The following BCL11A variants were observed in gnomAD, a reference collection of about 807,000 sequenced individuals.
BCL11A encodes BCL11 transcription factor A.
A neutral mutation model predicts 55.9 loss-of-function variants in BCL11A; 2 were observed. The observed-to-expected ratio is 0.04, with a 90% CI of 0.01 to 0.11. BCL11A has a LOEUF of 0.11. Ranked by LOEUF, BCL11A falls within the 10% of genes least tolerant of loss-of-function variation. The pLI, the probability that BCL11A is intolerant of heterozygous loss-of-function variation, is 1.00. For missense variants in BCL11A, 817 were observed against 1,137.1 expected, an observed-to-expected ratio of 0.72 and a Z score of 4.05; for synonymous variants, 465 against 473.4, an observed-to-expected ratio of 0.98 and a Z score of 0.23.
chr2:60,505,704 G>C (rs372643095), intron 2 of BCL11A, among the ~76,000 whole-genome samples: 4 of 152,210 alleles, frequency 2.6e-5, no homozygotes, highest in South Asian at 2.1e-4. Flanking sequence ...CCACCTCCCG[G>C]AAGCAGGGGA....
intron 2 of BCL11A, chr2:60,535,582 C>G (rs1256611541): frequency 8.5e-5 from 13 of 152,236 alleles, no homozygotes; most frequent in Admixed American, 7.8e-4. Flanking sequence ...GTGTAAACAT[C>G]CACTGTGGTA....
At chr2:60,514,258 A>G (rs1348700749) in intron 2 of BCL11A, among the ~76,000 whole-genome samples, 2 of 152,192 alleles carry the variant, frequency 1.3e-5, no homozygotes, top group East Asian at 1.9e-4. Flanking sequence ...CTAGAAGGCT[A>G]AGGAACACCC....
chr2:60,452,695 G>C (rs749199891), downstream of BCL11A: 4 of 1,550,494 alleles, frequency 2.6e-6, no homozygotes, highest in Non-Finnish European at 3.5e-6. Context: ...CAGAGGAGGG[G>C]GAAAAAAAAA....
Position 60,458,123 on chromosome 2 carries a change from T to C in BCL11A, c.*2281A>G, listed in dbSNP as rs991784774. The C allele has an allele frequency of 9.7e-6, 10 of 1,029,746 alleles. No individual in the cohort carries two copies. The African/African-American group carries it at 1.4e-4, about 14-fold the overall frequency. 63.8% of individuals were successfully genotyped at this position (1,029,746 alleles called of 1,614,324 possible). ...AATACAAGCTTCAATATAAATACTA[T>C]AGTGCCTAACACTAGATGAACATTT... On this transcript the variant is annotated 3_prime_UTR_variant, in exon 4 of 4. Coordinates refer to ENST00000642384, the MANE Select transcript of BCL11A (RefSeq NM_022893.4).
chr2:60,458,909 A>G lies in BCL11A; in HGVS notation c.*1495T>C. The G allele has an allele frequency of 9.7e-7, 1 of 1,034,038 alleles. No homozygotes were observed. Among genetic ancestry groups the G allele is most frequent in the Non-Finnish European group, 1.2e-6 (1 of 858,840 alleles). The allele number at this position is 1,034,038 out of a possible 1,614,324, so 64.1% of individuals were successfully genotyped here. On this transcript the variant is annotated 3_prime_UTR_variant, in exon 4 of 4. Coordinates refer to ENST00000642384, the MANE Select transcript of BCL11A (RefSeq NM_022893.4). The stretch of plus-strand genomic sequence containing the variant: ...AAACAATGAATCCTCTTCCATGTTA[A>G]CACAAATAGCACACAGTGTATGGAA...
At chr2:60,484,689 G>A (rs1470385229) in intron 2 of BCL11A, among the ~76,000 whole-genome samples, 1 of 151,044 alleles carries the variant, frequency 6.6e-6, no homozygotes, top group Non-Finnish European at 1.5e-5. Context: ...ATTTGGAGGG[G>A]GGCAAAAAAA....
chr2:60,458,986 T>C lies in BCL11A; in HGVS notation c.*1418A>G. On this transcript the variant is annotated 3_prime_UTR_variant, in exon 4 of 4. Transcript: ENST00000642384. ...GCACAGACATATATACTGCTACTCT[T>C]AAAATTCTTTCTCTTCTTTTTTTAA... The C allele has an allele frequency of 9.7e-7, 1 of 1,031,616 alleles. No homozygotes were observed. The highest frequency in any genetic ancestry group is 1.2e-6 in the Non-Finnish European group (1 of 856,710). 63.9% of individuals were successfully genotyped at this position (1,031,616 alleles called of 1,614,324 possible).
chr2:60,477,174 C>T (rs923746350), intron 2 of BCL11A, among the ~76,000 whole-genome samples: 7 of 152,168 alleles, frequency 4.6e-5, no homozygotes, highest in Admixed American at 1.3e-4. Flanking sequence ...AGGTGAAATA[C>T]GCATTTTCAA....
intron 2 of BCL11A, among the ~76,000 whole-genome samples, chr2:60,500,729 C>A (rs967235706): frequency 6.6e-6 from 1 of 152,178 alleles, no homozygotes; most frequent in African/African-American, 2.4e-5. Flanking sequence ...GGGCACCTCA[C>A]TTCAAGCCTT....
intron 3 of BCL11A, among the ~76,000 whole-genome samples, chr2:60,465,051 G>A (rs545137420): frequency 6.6e-6 from 1 of 152,310 alleles, no homozygotes; most frequent in East Asian, 1.9e-4. Flanking sequence ...GAGCTGCTTT[G>A]AAACTGGTAA....
rs767293049 is a variant in BCL11A, at chr2:60,461,029, G to A, written c.1883C>T (p.Ser628Leu). 1 of 1,607,544 alleles carries A rather than the reference G, an allele frequency of 6.2e-7. No individual in the cohort carries two copies. Among genetic ancestry groups the A allele is most frequent in the South Asian group, 1.1e-5 (1 of 90,850 alleles). Residue 628 changes from serine to leucine, a missense_variant, in exon 4 of 4, where the codon TCG (serine) becomes TTG (leucine). Ser to Leu is a moderately radical substitution (Grantham distance 145). Coordinates refer to ENST00000642384, the MANE Select transcript of BCL11A (RefSeq NM_022893.4). The part of the protein sequence containing the change: ...SKKLLLGSPS[S>L]LSPFSKRIKL... ...GATGCGCTTAGAGAAGGGGCTCAGC[G>A]AGCTGGGGCTGCCCAGCAGCAGCTT... is the stretch of plus-strand genomic sequence containing the variant.
At chr2:60,474,020 G>T (rs1677371353) in intron 2 of BCL11A, among the ~76,000 whole-genome samples, 1 of 152,086 alleles carries the variant, frequency 6.6e-6, no homozygotes. Context: ...CTCTCTCATG[G>T]TCCTTAGATT....
intron 2 of BCL11A, among the ~76,000 whole-genome samples, chr2:60,491,716 C>T (rs1307397401): frequency 1.3e-5 from 2 of 151,638 alleles, no homozygotes; most frequent in African/African-American, 4.8e-5. Flanking sequence ...AAGAAATGCT[C>T]CCCTCAGTTC....
chr2:60,498,046 C>A (rs1021099028), intron 2 of BCL11A, among the ~76,000 whole-genome samples: 2 of 151,838 alleles, frequency 1.3e-5, no homozygotes, highest in African/African-American at 4.8e-5. Flanking sequence ...ACCTGGCAGA[C>A]CCTCAAGAGC....
At chr2:60,512,422 T>G (rs1437932173) in intron 2 of BCL11A, among the ~76,000 whole-genome samples, 2 of 152,216 alleles carry the variant, frequency 1.3e-5, no homozygotes, top group African/African-American at 4.8e-5. Flanking sequence ...ATAAAGGATC[T>G]GTCTCCTTCT....
At chr2:60,486,387 T>C (rs1290290150) in intron 2 of BCL11A, among the ~76,000 whole-genome samples, 1 of 152,152 alleles carries the variant, frequency 6.6e-6, no homozygotes, top group Non-Finnish European at 1.5e-5. Context: ...ATTCTAAGAG[T>C]TCACTTTCTG....
intron 2 of BCL11A, chr2:60,543,912 TCTG>T (rs1277941425): frequency 6.6e-6 from 1 of 152,254 alleles, no homozygotes; most frequent in African/African-American, 2.4e-5. Context: ...TTCTCTAGGC[TCTG>T]CTATTATACT....
rs139193962 is a variant in BCL11A at position 60,465,600 on chromosome 2, C to G, written c.487+3132G>C. On this transcript the variant is annotated intron_variant, in intron 3 of 3. Coordinates refer to ENST00000642384, the MANE Select transcript of BCL11A (RefSeq NM_022893.4). ...ATCTAAGCCTCAAGATTCAGAAGAA[C>G]AAGGAGGTCTGAGACTGGAGGCCTA... Among the ~76,000 whole-genome samples, 236 of 152,238 alleles carry G rather than the reference C, an allele frequency of 1.6e-3. 2 individuals carry two copies. The highest frequency in any genetic ancestry group is 9.1e-3 in the South Asian group (44 of 4,822).
chr2:60,529,889 A>G (rs1267727809), intron 2 of BCL11A, among the ~76,000 whole-genome samples: 1 of 152,166 alleles, frequency 6.6e-6, no homozygotes, highest in Non-Finnish European at 1.5e-5. Context: ...GATTCTATGA[A>G]CCCAGCTTTA....
Sources: gnomAD v4.1 joint callset for allele counts (sites outside exome capture counted in the v4.1 genomes callset) on GRCh38, gnomAD v4.1.1 for gene constraint, MANE v1.5 for transcripts, NCBI Gene and HGNC (gene_info 2026-07-23, HGNC 2026-07-21) for gene names.